The following MEIOSIN variants were observed in gnomAD, a reference collection of about 807,000 sequenced individuals.
The protein encoded by MEIOSIN is meiosis initiator protein.
In MEIOSIN, 18 loss-of-function variants were observed where a neutral mutation model predicts 23.4. That is an observed-to-expected ratio of 0.77 (90% CI 0.53 to 1.14). MEIOSIN has a LOEUF of 1.14. Among genes scored for constraint, MEIOSIN ranks in the 50% most tolerant of loss-of-function variants. The probability of loss-of-function intolerance (pLI) is 0.00; values close to 1 mark genes in which losing one functional copy is unlikely to be tolerated. For synonymous variants in MEIOSIN, 187 were observed against 100.6 expected, an observed-to-expected ratio of 1.86 and a Z score of -5.14; for missense variants, 428 against 242.9, an observed-to-expected ratio of 1.76 and a Z score of -5.07.
chr19:45,760,956 A>AG (rs1491121639), intron 11 of MEIOSIN, among the ~76,000 whole-genome samples: 1 of 139,740 alleles, frequency 7.2e-6, no homozygotes, highest in Non-Finnish European at 1.6e-5. Context: ...AAGAAAAAAA[A>AG]GAAAAGAAAG....
At chr19:45,739,415 A>C (rs912705140) in intron 2 of MEIOSIN, among the ~76,000 whole-genome samples, 1 of 151,936 alleles carries the variant, frequency 6.6e-6, no homozygotes, top group East Asian at 1.9e-4. Flanking sequence ...AACCTCCCAA[A>C]GTGCTGGGAT....
intron 9 of MEIOSIN, among the ~76,000 whole-genome samples, chr19:45,758,346 C>A (rs1968873122): frequency 6.6e-6 from 1 of 151,982 alleles, no homozygotes; most frequent in Admixed American, 6.6e-5. Flanking sequence ...GCCTATGGGA[C>A]TTTGCACATT....
chr19:45,743,070 T>C (rs1359663635), intron 3 of MEIOSIN, among the ~76,000 whole-genome samples: 1 of 152,126 alleles, frequency 6.6e-6, no homozygotes, highest in African/African-American at 2.4e-5. Context: ...TGGAGGGCCC[T>C]GAGAGCGGAG....
chr19:45,761,451 T>G (rs10714216), intron 11 of MEIOSIN, among the ~76,000 whole-genome samples: 1 of 98,984 alleles, frequency 1.0e-5, no homozygotes, highest in Admixed American at 1.1e-4. Flanking sequence ...TTTTTTTTTT[T>G]GTAGAACAAG....
chr19:45,745,553 A>G (rs1968577966), intron 4 of MEIOSIN, among the ~76,000 whole-genome samples: 1 of 152,210 alleles, frequency 6.6e-6, no homozygotes, highest in Non-Finnish European at 1.5e-5. Flanking sequence ...AAATAGAGAT[A>G]GCACAAAGAT....
chr19:45,751,545 T>G (rs1226843668), intron 5 of MEIOSIN, among the ~76,000 whole-genome samples: 2 of 151,154 alleles, frequency 1.3e-5, no homozygotes, highest in African/African-American at 4.9e-5. Context: ...GTTTTTTGTG[T>G]GTTTTTTGAG....
chr19:45,745,237 G>A lies in MEIOSIN; in HGVS notation c.222G>A (p.Gln74=), dbSNP rs1482971839. Residue 74 remains glutamine (Q), a synonymous_variant, in exon 4 of 15, where the codon CAG becomes CAA. Transcript: ENST00000457052. The stretch of plus-strand genomic sequence containing the variant: ...AGCTCCTGTCCCCAAACAAGAAGCA[G>A]AGGAAAAACCACACTAGCAAGCTGC... ...QNKLLSPNKK[Q]RKNHTSKLQE... The A allele has an allele frequency of 4.3e-6, 3 of 702,982 alleles. No homozygotes were observed. The highest frequency in any genetic ancestry group is 1.5e-5 in the South Asian group (1 of 67,604). 43.5% of individuals were successfully genotyped at this position (702,982 alleles called of 1,614,324 possible). A position where few individuals can be genotyped will look rare whatever the true frequency, so the allele number is the denominator to read the frequency against.
In MEIOSIN at chr19:45,753,669, C is replaced by A. The variant is rs1412231895; in HGVS notation, c.437C>A (p.Ala146Asp). Residue 146 changes from alanine (A) to aspartate (D), a missense_variant, in exon 6 of 15, where the codon GCC becomes GAC. Physicochemically the swap from Ala to Asp is moderately radical, Grantham distance 126. Transcript: ENST00000457052. ...CCTGCAGGGCTGGGTCAGAAACCAG[C>A]CTGGGGCCCAGCCAGGCGGAGGAGA... ...GGLAGLGQKP[A>D]WGPARRRRHS... 12 of 702,600 alleles carry A rather than the reference C, an allele frequency of 1.7e-5. No individual in the cohort carries two copies. In the East Asian group the frequency reaches 3.2e-4, roughly 19 times the overall value. The allele number at this position is 702,600 out of a possible 1,614,324, so 43.5% of individuals were successfully genotyped here.
rs565143717 is a variant in MEIOSIN at position 45,761,793 on chromosome 19, A to G, written c.1360A>G (p.Ser454Gly). The G allele has an allele frequency of 1.2e-4, 81 of 685,322 alleles. No individual in the cohort carries two copies. The East Asian group carries it at 2.0e-3, about 17-fold the overall frequency. 42.5% of individuals were successfully genotyped at this position (685,322 alleles called of 1,614,324 possible). ...GAGCGGGAACAGCAAGGCGCCATCC[A>G]GCTCCAGCTCCAGCTCCAGCTCCAG... ...SLSGNSKAPS[S>G]SSSSSSSSSS... is the part of the protein sequence containing the mutation. Residue 454 changes from serine (S) to glycine (G), a missense_variant, in exon 12 of 15, where the codon AGC becomes GGC. Ser to Gly is a moderately conservative substitution (Grantham distance 56). Coordinates refer to ENST00000457052, the MANE Select transcript of MEIOSIN (RefSeq NM_001310124.2).
chr19:45,762,693 G>A (rs1013404204), intron 13 of MEIOSIN, among the ~76,000 whole-genome samples: 4 of 152,112 alleles, frequency 2.6e-5, no homozygotes, highest in South Asian at 2.1e-4. Flanking sequence ...TGCCTGCCTC[G>A]GCCTCTCAAA....
chr19:45,759,864 C>A (rs944207463), intron 11 of MEIOSIN, among the ~76,000 whole-genome samples: 1 of 151,960 alleles, frequency 6.6e-6, no homozygotes, highest in African/African-American at 2.4e-5. Context: ...TGCAGTGGTG[C>A]GATCTCGGCT....
Position 45,753,652 on chromosome 19 carries a change from G to A in MEIOSIN, c.420G>A (p.Gly140=). The change falls in exon 6 of 15, where the codon GGG becomes GGA. Residue 140 remains glycine (G), a splice_region_variant and synonymous_variant. Transcript: ENST00000457052. ...HITTGEGGLA[G]LGQKPAWGPA... ...CTGTTTCCCTCTCCATCCCTGCAGGGCTGGGTCAGAAACCAGCCTGGGGCC... is the reference window on the plus strand; with the variant it reads ...CTGTTTCCCTCTCCATCCCTGCAGGACTGGGTCAGAAACCAGCCTGGGGCC... The A allele has an allele frequency of 1.4e-6, 1 of 702,128 alleles. No homozygotes were observed. The highest frequency in any genetic ancestry group is 2.6e-6 in the Non-Finnish European group (1 of 384,628). The allele number at this position is 702,128 out of a possible 1,614,324, so 43.5% of individuals were successfully genotyped here. A position where few individuals can be genotyped will look rare whatever the true frequency, so the allele number is the denominator to read the frequency against.
chr19:45,750,904 G>A (rs978758482), intron 5 of MEIOSIN, 118 bp downstream of exon 5: 1 of 403,994 alleles, frequency 2.5e-6, no homozygotes, highest in Non-Finnish European at 4.4e-6. Context: ...AGAGAGATAT[G>A]CAAGATGCCT....
chr19:45,739,628 C>A lies in MEIOSIN; in HGVS notation c.74C>A (p.Thr25Asn), dbSNP rs1246981176. 1.3e-5 allele frequency: 9 copies of A among 702,990 alleles called. No individual in the cohort carries two copies. Among genetic ancestry groups the A allele is most frequent in the Middle Eastern group, 4.6e-4 (2 of 4,370 alleles). 43.5% of individuals were successfully genotyped at this position (702,990 alleles called of 1,614,324 possible). ...RANSLGPSDR[T>N]LVLCSLVEGE... ...ATCACTGTGACTATTCTTGGCAGGA[C>A]CTTGGTTTTGTGCTCCCTAGTGGAA... The change falls in exon 3 of 15, where the codon ACC (threonine) becomes AAC (asparagine). Residue 25 changes from threonine to asparagine, a missense_variant and splice_region_variant. Physicochemically the swap from Thr to Asn is moderately conservative, Grantham distance 65. Transcript: ENST00000457052.
At chr19:45,753,552 C>A in intron 5 of MEIOSIN, 99 bp from the exon 6 acceptor site, 1 of 609,708 alleles carries the variant, frequency 1.6e-6, no homozygotes, top group Non-Finnish European at 2.9e-6. Context: ...GGGGGCCCAC[C>A]CTGACCCGGG....
chr19:45,741,891 G>A (rs1248530730), intron 3 of MEIOSIN, among the ~76,000 whole-genome samples: 1 of 151,650 alleles, frequency 6.6e-6, no homozygotes, highest in African/African-American at 2.4e-5. Flanking sequence ...TATTTTTTGA[G>A]ACGGAGCTTT....
chr19:45,757,091 G>A (rs1568559345), intron 8 of MEIOSIN, 86 bp from the exon 9 acceptor site: 4 of 653,392 alleles, frequency 6.1e-6, no homozygotes, highest in Non-Finnish European at 1.1e-5. Flanking sequence ...ACTCCCCCAG[G>A]GGCCAGTGCA....
intron 1 of MEIOSIN, among the ~76,000 whole-genome samples, chr19:45,734,006 A>G (rs1353844504): frequency 6.6e-6 from 1 of 152,110 alleles, no homozygotes; most frequent in Non-Finnish European, 1.5e-5. Context: ...GAATCCAGAG[A>G]TCCCAATTTG....
intron 3 of MEIOSIN, among the ~76,000 whole-genome samples, chr19:45,744,112 C>T (rs144385627): frequency 8.6e-5 from 13 of 151,404 alleles, no homozygotes; most frequent in Admixed American, 4.6e-4. Context: ...CTGCAGCTTC[C>T]GCCTCTCAGG....
Sources: allele counts gnomAD v4.1 joint callset (sites outside exome capture counted in the v4.1 genomes callset), GRCh38; gene constraint gnomAD v4.1.1; transcripts MANE v1.5; gene names NCBI Gene and HGNC (gene_info 2026-07-23, HGNC 2026-07-21).